Variants in CD300A observed in about 807,000 individuals in gnomAD.
CD300A encodes CMRF35-like molecule 8.
A neutral mutation model predicts 33.6 loss-of-function variants in CD300A; 22 were observed. The ratio of observed to expected loss-of-function variants is 0.66; its 90% CI spans 0.47 to 0.94. The LOEUF is 0.94. CD300A is among the 40% of genes least tolerant of loss of function. The pLI, the probability that CD300A is intolerant of heterozygous loss-of-function variation, is 0.00. For missense variants in CD300A, 326 were observed against 360.5 expected (o/e 0.90, Z 0.77); for synonymous variants, 136 against 148.1 (o/e 0.92, Z 0.59).
In CD300A at chr17:74,481,283, C is replaced by T. The variant is rs749210585; in HGVS notation, c.629-6C>T. 1 of 1,613,858 alleles carries T rather than the reference C, an allele frequency of 6.2e-7. No individual in the cohort carries two copies. The highest frequency in any genetic ancestry group is 2.2e-5 in the East Asian group (1 of 44,840). ...TTCAACCTCCTTCCTCTCCTCTTGT[C>T]TCTAGCTGGTGACCATTCAGAGCTG... is the stretch of plus-strand genomic sequence containing the variant. On this transcript the variant is annotated splice_region_variant and splice_polypyrimidine_tract_variant and intron_variant, in intron 4 of 6. Coordinates refer to ENST00000360141, the MANE Select transcript of CD300A (RefSeq NM_007261.4).
chr17:74,473,926 G>A, intron 2 of CD300A, 52 bp downstream of exon 2: 1 of 1,574,386 alleles, frequency 6.4e-7, no homozygotes, highest in Non-Finnish European at 8.7e-7. Flanking sequence ...GGAATTGTTG[G>A]GGCAGGAATC....
chr17:74,473,800 G>T lies in CD300A; in HGVS notation c.305G>T (p.Trp102Leu). The T allele has an allele frequency of 6.2e-7, 1 of 1,614,250 alleles. No homozygotes were observed. Among genetic ancestry groups the T allele is most frequent in the Non-Finnish European group, 8.5e-7 (1 of 1,180,034 alleles). Residue 102 changes from tryptophan (W) to leucine (L), a missense_variant, in exon 2 of 7, where the codon TGG becomes TTG. Trp to Leu is a moderately conservative substitution (Grantham distance 61). Transcript: ENST00000360141. The part of the protein sequence containing the change: ...NLTEEDAGTY[W>L]CGVDTPWLRD... Reference sequence around the variant, plus strand: ...ACAGAGGAGGATGCAGGCACCTACTGGTGTGGGGTGGATACACCATGGCTC... The same window carrying T: ...ACAGAGGAGGATGCAGGCACCTACTTGTGTGGGGTGGATACACCATGGCTC...
At chr17:74,474,312 G>A (rs1208857617) in intron 2 of CD300A, among the ~76,000 whole-genome samples, 1 of 152,150 alleles carries the variant, frequency 6.6e-6, no homozygotes, top group East Asian at 1.9e-4. Flanking sequence ...ACCCTCATCA[G>A]CAGGATGGAA....
chr17:74,474,006 G>A (rs2293189), intron 2 of CD300A, 132 bp downstream of exon 2: 228,917 of 1,022,974 alleles, frequency 0.22, 29,109 homozygotes, highest in East Asian at 0.46. Context: ...GGGGCCAGGG[G>A]AACACAGTCA....
intron 1 of CD300A, among the ~76,000 whole-genome samples, chr17:74,468,822 A>C (rs1385118042): frequency 6.6e-6 from 1 of 151,950 alleles, no homozygotes; most frequent in African/African-American, 2.4e-5. Flanking sequence ...ACTGCTGGCT[A>C]ATTTTTTTGT....
intron 1 of CD300A, among the ~76,000 whole-genome samples, chr17:74,471,273 T>C (rs1906082371): frequency 6.6e-6 from 1 of 152,240 alleles, no homozygotes; most frequent in Admixed American, 6.5e-5. Context: ...CTGCAAAATA[T>C]CTTGACTCTT....
chr17:74,473,936 C>A (rs527968630), intron 2 of CD300A, 62 bp downstream of exon 2: 2 of 1,552,932 alleles, frequency 1.3e-6, no homozygotes, highest in East Asian at 4.5e-5. Flanking sequence ...GGGCAGGAAT[C>A]AGATCAGAGA....
intron 6 of CD300A, 36 bp from the exon 7 acceptor site, chr17:74,483,965 C>G (rs377012740): frequency 4.8e-5 from 78 of 1,610,020 alleles, no homozygotes; most frequent in Non-Finnish European, 6.4e-5. Flanking sequence ...TCCCTTGCCT[C>G]TCCCAAGTCT....
intron 4 of CD300A, among the ~76,000 whole-genome samples, chr17:74,479,755 C>T (rs1241147210): frequency 6.6e-6 from 1 of 152,114 alleles, no homozygotes; most frequent in African/African-American, 2.4e-5. Context: ...TTTGCAAGTC[C>T]GTGCCCCATC....
intron 1 of CD300A, chr17:74,470,171 GAT>G (rs1906000623): frequency 1.6e-5 from 16 of 985,332 alleles, no homozygotes; most frequent in Non-Finnish European, 1.8e-5. Flanking sequence ...TTGGGGTGGT[GAT>G]TCAGGTTGGA....
chr17:74,477,569 T>G, intron 4 of CD300A, 39 bp downstream of exon 4: 1 of 1,446,180 alleles, frequency 6.9e-7, no homozygotes, highest in Non-Finnish European at 9.7e-7. Flanking sequence ...CCACCTGGGG[T>G]GGTCAGACCC....
chr17:74,476,694 T>G lies in CD300A; in HGVS notation c.534-742T>G, dbSNP rs116226100. ...CTGCAAGGCGATTTATAAGCAACGT[T>G]TACCATTGCAAAGGACTGGGGAAAT... On this transcript the variant is annotated intron_variant, in intron 3 of 6. Coordinates refer to ENST00000360141, the MANE Select transcript of CD300A (RefSeq NM_007261.4). Among the ~76,000 whole-genome samples the G allele has an allele frequency of 3.5e-3, 539 of 152,332 alleles. 4 individuals are homozygous for G. Among genetic ancestry groups the G allele is most frequent in the Middle Eastern group, 0.02 (6 of 294 alleles).
At chr17:74,478,678 C>G (rs1344849603) in intron 4 of CD300A, among the ~76,000 whole-genome samples, 1 of 152,190 alleles carries the variant, frequency 6.6e-6, no homozygotes, top group Non-Finnish European at 1.5e-5. Context: ...TCAGGGGAAT[C>G]TTTGTCCAAA....
chr17:74,478,973 G>T (rs1475708731), intron 4 of CD300A, among the ~76,000 whole-genome samples: 1 of 152,164 alleles, frequency 6.6e-6, no homozygotes, highest in African/African-American at 2.4e-5. Context: ...GGTTGTCTCA[G>T]TTCTGAGCCC....
chr17:74,466,563 A>C, upstream of CD300A: 1 of 978,570 alleles, frequency 1.0e-6, no homozygotes, highest in Non-Finnish European at 1.5e-6. Flanking sequence ...GGCTCCAGGA[A>C]TAGAACCAAA....
At position 74,473,732 on chromosome 17, in the gene CD300A, C is replaced by T; in HGVS notation, c.237C>T (p.Asp79=). 6.2e-7 allele frequency: 1 copy of T among 1,614,264 alleles called. No individual in the cohort carries two copies. The highest frequency in any genetic ancestry group is 8.5e-7 in the Non-Finnish European group (1 of 1,180,052). ...GKRNGRVSIR[D]SPANLSFTVT... is the part of the protein sequence containing the mutation. ...GGAACGGCCGAGTGTCCATCAGGGA[C>T]AGTCCTGCAAACCTCAGCTTCACAG... Residue 79 remains aspartate (D), a synonymous_variant, in exon 2 of 7, where the codon GAC becomes GAT. Coordinates refer to ENST00000360141, the MANE Select transcript of CD300A (RefSeq NM_007261.4).
intron 2 of CD300A, 121 bp from the exon 3 acceptor site, chr17:74,474,411 T>C (rs1906327187): frequency 1.0e-6 from 1 of 968,130 alleles, no homozygotes; most frequent in Non-Finnish European, 1.6e-6. Flanking sequence ...AGCCCCAGGG[T>C]CCTGCATCCT....
chr17:74,483,178 G>T (rs1907026500), intron 6 of CD300A, among the ~76,000 whole-genome samples: 1 of 152,048 alleles, frequency 6.6e-6, no homozygotes, highest in African/African-American at 2.4e-5. Flanking sequence ...TCTTCTCCCA[G>T]CCCCCTTGGT....
intron 4 of CD300A, among the ~76,000 whole-genome samples, chr17:74,479,194 C>T (rs1044288872): frequency 2.6e-5 from 4 of 152,058 alleles, no homozygotes; most frequent in Admixed American, 1.3e-4. Context: ...GTATATCCTT[C>T]CAGTCTTTTT....
Sources: gnomAD v4.1 joint callset for allele counts (sites outside exome capture counted in the v4.1 genomes callset) on GRCh38, gnomAD v4.1.1 for gene constraint, MANE v1.5 for transcripts, NCBI Gene and HGNC (gene_info 2026-07-23, HGNC 2026-07-21) for gene names.